PBRM1: variants seen among roughly 807,000 people sequenced by gnomAD.
PBRM1 encodes the protein polybromo 1.
A neutral mutation model predicts 194.5 loss-of-function variants in PBRM1; 27 were observed. The ratio of observed to expected loss-of-function variants is 0.14; its 90% CI spans 0.10 to 0.19. The LOEUF is 0.19. Among genes scored for constraint, PBRM1 ranks in the 10% least tolerant of loss-of-function variants. The pLI is 1.00. For missense variants in PBRM1, 1,466 were observed against 2,077.2 expected (o/e 0.71, Z 5.72); for synonymous variants, 655 against 693.2 (o/e 0.94, Z 0.87).
intron 17 of PBRM1, among the ~76,000 whole-genome samples, chr3:52,602,384 C>T (rs1025809535): frequency 1.3e-5 from 2 of 152,288 alleles, no homozygotes; most frequent in African/African-American, 2.4e-5. Context: ...CATGTGCTGA[C>T]AGATCTGTGT....
At chr3:52,681,632 G>C (rs2097207241), upstream of PBRM1, 4 of 684,346 alleles carry the variant, frequency 5.8e-6, no homozygotes, top group Non-Finnish European at 7.3e-6. Flanking sequence ...ATTTAAGAAA[G>C]GTGGAAGGAA....
Position 52,643,354 on chromosome 3 carries a change from A to G in PBRM1, c.900-11T>C. The G allele has an allele frequency of 6.3e-7, 1 of 1,588,106 alleles. No homozygotes were observed. Among genetic ancestry groups the G allele is most frequent in the Non-Finnish European group, 8.6e-7 (1 of 1,156,428 alleles). On this transcript the variant is annotated splice_polypyrimidine_tract_variant and intron_variant, in intron 8 of 29. Transcript: ENST00000296302. ...AAGTTGGATGGAGTCCTATCCAGAG[A>G]TAAGATAAAAAGCTTAGAAACTTGG... is the stretch of plus-strand genomic sequence containing the variant.
intron 29 of PBRM1, among the ~76,000 whole-genome samples, chr3:52,549,185 A>C (rs776041071): frequency 2.6e-5 from 4 of 151,818 alleles, no homozygotes; most frequent in Non-Finnish European, 5.9e-5. Context: ...ACGCCCAGCT[A>C]ATTTTTGTAT....
At chr3:52,643,399 G>A in intron 8 of PBRM1, 56 bp from the exon 10 acceptor site, 3 of 1,096,228 alleles carry the variant, frequency 2.7e-6, no homozygotes, top group Admixed American at 1.7e-5. Flanking sequence ...TTAGAGTGCT[G>A]GGTAAACAAA....
intron 17 of PBRM1, among the ~76,000 whole-genome samples, chr3:52,598,881 GT>G (rs1430383932): frequency 6.6e-6 from 1 of 152,132 alleles, no homozygotes; most frequent in Non-Finnish European, 1.5e-5. Flanking sequence ...AATCAGCTGG[GT>G]GTGGTGGCGC....
intron 10 of PBRM1, among the ~76,000 whole-genome samples, chr3:52,636,953 C>T (rs1317485754): frequency 6.6e-6 from 1 of 151,470 alleles, no homozygotes; most frequent in Non-Finnish European, 1.5e-5. Context: ...GGTATTATTT[C>T]TTTTTCAAAT....
chr3:52,666,374 AAAAATAC>A (rs2096834822), intron 3 of PBRM1, among the ~76,000 whole-genome samples: 1 of 152,068 alleles, frequency 6.6e-6, no homozygotes, highest in Non-Finnish European at 1.5e-5. Context: ...AAAACCACGT[AAAAATAC>A]AAAAATTAGC....
intron 5 of PBRM1, among the ~76,000 whole-genome samples, chr3:52,653,504 G>A (rs563427548): frequency 3.3e-5 from 5 of 151,608 alleles, no homozygotes; most frequent in East Asian, 1.9e-4. Flanking sequence ...CAGGAGAATC[G>A]CTTGAACCTG....
chr3:52,597,199 G>T (rs2093635089), intron 17 of PBRM1, among the ~76,000 whole-genome samples: 1 of 152,204 alleles, frequency 6.6e-6, no homozygotes, highest in African/African-American at 2.4e-5. Flanking sequence ...AGCAATTCAA[G>T]ACTGTGTTTT....
intron 16 of PBRM1, among the ~76,000 whole-genome samples, chr3:52,604,042 G>C (rs1467495048): frequency 6.6e-6 from 1 of 152,178 alleles, no homozygotes; most frequent in East Asian, 1.9e-4. Flanking sequence ...GGCAGGGGAA[G>C]GTGGCTGCCA....
intron 15 of PBRM1, among the ~76,000 whole-genome samples, chr3:52,613,870 T>G (rs1235462354): frequency 2.6e-5 from 4 of 151,942 alleles, no homozygotes; most frequent in Non-Finnish European, 5.9e-5. Flanking sequence ...AAAAGGAAAT[T>G]AACATCCCAC....
chr3:52,602,176 G>A (rs1298162509), intron 17 of PBRM1, among the ~76,000 whole-genome samples: 1 of 152,064 alleles, frequency 6.6e-6, no homozygotes, highest in Non-Finnish European at 1.5e-5. Context: ...TGAAATTCTT[G>A]GAGCTGTTTT....
intron 22 of PBRM1, among the ~76,000 whole-genome samples, chr3:52,572,059 A>G (rs1455300670): frequency 6.7e-6 from 1 of 148,406 alleles, no homozygotes; most frequent in Non-Finnish European, 1.5e-5. Flanking sequence ...AAAAAACTTC[A>G]TATTTTCATT....
At chr3:52,678,844 A>G (rs1578360183) in intron 1 of PBRM1, among the ~76,000 whole-genome samples, 1 of 152,174 alleles carries the variant, frequency 6.6e-6, no homozygotes, top group African/African-American at 2.4e-5. Flanking sequence ...CTTCTAAACT[A>G]TATCAGTTCA....
At chr3:52,569,926 C>T (rs2153585700) in intron 22 of PBRM1, among the ~76,000 whole-genome samples, 1 of 152,234 alleles carries the variant, frequency 6.6e-6, no homozygotes, top group East Asian at 1.9e-4. Context: ...ACCTCTAGAA[C>T]AATGTTAAAT....
intron 15 of PBRM1, among the ~76,000 whole-genome samples, chr3:52,614,780 G>A (rs181011100): frequency 2.0e-5 from 3 of 151,804 alleles, no homozygotes; most frequent in East Asian, 1.9e-4. Flanking sequence ...CATGTTGGCC[G>A]GGCTGGTCCT....
chr3:52,586,724 T>G, intron 19 of PBRM1, 36 bp from the exon 22 acceptor site: 1 of 1,078,820 alleles, frequency 9.3e-7, no homozygotes, highest in Non-Finnish European at 1.2e-6. Flanking sequence ...TAAAACTAGT[T>G]AGGTGAATTT....
chr3:52,583,649 G>A (rs1051992585), intron 20 of PBRM1, among the ~76,000 whole-genome samples: 3 of 151,880 alleles, frequency 2.0e-5, no homozygotes, highest in African/African-American at 7.3e-5. Flanking sequence ...TTGTATATTA[G>A]AAACAGTAAC....
At chr3:52,561,652 C>T in intron 25 of PBRM1, 115 bp downstream of exon 27, 1 of 921,542 alleles carries the variant, frequency 1.1e-6, no homozygotes, top group African/African-American at 1.6e-5. Flanking sequence ...GGAACAGTCC[C>T]CAAAATAAAA....
Sources: allele counts gnomAD v4.1 joint callset (sites outside exome capture counted in the v4.1 genomes callset), GRCh38; gene constraint gnomAD v4.1.1; transcripts MANE v1.5; gene names NCBI Gene and HGNC (gene_info 2026-07-23, HGNC 2026-07-21).